MYRFL: variants seen among roughly 807,000 people sequenced by gnomAD.
MYRFL encodes myelin regulatory factor-like protein.
In MYRFL, 88 loss-of-function variants were observed where a neutral mutation model predicts 109.4. The observed-to-expected ratio is 0.80, with a 90% CI of 0.68 to 0.96. The LOEUF is 0.96. Ranked by LOEUF, MYRFL falls within the 40% of genes least tolerant of loss-of-function variation. The pLI is 0.00. For missense variants in MYRFL, 957 were observed against 954.9 expected, an observed-to-expected ratio of 1.00 and a Z score of -0.03; for synonymous variants, 324 against 320.9, an observed-to-expected ratio of 1.01 and a Z score of -0.10.
chr12:69,887,084 T>A, intron 6 of MYRFL, 114 bp downstream of exon 6: 1 of 1,098,594 alleles, frequency 9.1e-7, no homozygotes, highest in Non-Finnish European at 1.3e-6. Context: ...GGCAAATCAG[T>A]GAGAAAGTGT....
At chr12:69,903,521 A>G (rs1413079119) in intron 10 of MYRFL, 123 bp from the exon 11 acceptor site, 7 of 1,097,052 alleles carry the variant, frequency 6.4e-6, no homozygotes, top group Non-Finnish European at 8.9e-6. Flanking sequence ...TGTCCCACTC[A>G]ATACAGGATT....
chr12:69,829,754 T>C (rs1306625211), intron 1 of MYRFL, among the ~76,000 whole-genome samples: 1 of 152,130 alleles, frequency 6.6e-6, no homozygotes, highest in Non-Finnish European at 1.5e-5. Flanking sequence ...TTAGCAGAGA[T>C]AAAATGATAA....
At chr12:69,853,002 G>A (rs538936478) in intron 1 of MYRFL, among the ~76,000 whole-genome samples, 2 of 152,356 alleles carry the variant, frequency 1.3e-5, no homozygotes, top group African/African-American at 2.4e-5. Flanking sequence ...CACAGACACC[G>A]TAACATCTGA....
At chr12:69,848,230 AAT>A (rs1883673756) in intron 1 of MYRFL, among the ~76,000 whole-genome samples, 1 of 151,994 alleles carries the variant, frequency 6.6e-6, no homozygotes, top group African/African-American at 2.4e-5. Flanking sequence ...CTTGTTGGTA[AAT>A]ATCCCTTTTT....
chr12:69,945,301 T>A (rs1272429468), intron 19 of MYRFL, among the ~76,000 whole-genome samples: 2 of 149,162 alleles, frequency 1.3e-5, no homozygotes, highest in Admixed American at 6.7e-5. Context: ...TCAGAGCAAC[T>A]TCCAGCCCTG....
chr12:69,848,232 T>C (rs899164918), intron 1 of MYRFL, among the ~76,000 whole-genome samples: 14 of 152,102 alleles, frequency 9.2e-5, no homozygotes, highest in African/African-American at 2.9e-4. Context: ...TGTTGGTAAA[T>C]ATCCCTTTTT....
In MYRFL at chr12:69,932,883, T is replaced by TGTGTGTGTGTTTG. The variant is rs1555257501; in HGVS notation, c.1916+285_1916+286insGTGTGTGTGTTTG. ...CTTTCGTGTGTGTGTGTGTGTGTGT[T>TGTGTGTGTGTTTG]TGTGTGTGTGTGTGTGTATGTGTGT... On this transcript the variant is annotated intron_variant, in intron 16 of 24. Transcript: ENST00000552032. Among the ~76,000 whole-genome samples the TGTGTGTGTGTTTG allele has an allele frequency of 3.8e-3, 198 of 52,686 alleles. 3 individuals carry two copies. The highest frequency in any genetic ancestry group is 8.9e-3 in the Admixed American group (43 of 4,826). 34.6% of individuals were successfully genotyped at this position (52,686 alleles called of 152,430 possible). A position where few individuals can be genotyped will look rare whatever the true frequency, so the allele number is the denominator to read the frequency against.
chr12:69,958,122 C>A, intron 23 of MYRFL, 127 bp from the exon 24 acceptor site: 2 of 1,162,456 alleles, frequency 1.7e-6, no homozygotes, highest in Non-Finnish European at 2.4e-6. Context: ...TCTAGCAACA[C>A]CCATCAAAAG....
At chr12:69,914,868 AC>A (rs1290664509) in intron 13 of MYRFL, among the ~76,000 whole-genome samples, 4 of 152,256 alleles carry the variant, frequency 2.6e-5, no homozygotes, top group Admixed American at 6.5e-5. Flanking sequence ...TAAAAACAGG[AC>A]CCTGGAGTGA....
intron 2 of MYRFL, among the ~76,000 whole-genome samples, chr12:69,872,086 A>T (rs1017236016): frequency 3.9e-5 from 6 of 152,240 alleles, no homozygotes; most frequent in Non-Finnish European, 5.9e-5. Context: ...GTACATAAAC[A>T]ATCATGATTC....
intron 13 of MYRFL, among the ~76,000 whole-genome samples, chr12:69,926,318 A>G (rs1017359964): frequency 2.0e-5 from 3 of 152,000 alleles, no homozygotes; most frequent in Non-Finnish European, 4.4e-5. Flanking sequence ...CTTCAGCTCC[A>G]TTTTTGAGTT....
chr12:69,903,769 TG>T lies in MYRFL; in HGVS notation c.1309del (p.Val437SerfsTer5). On this transcript the variant is annotated frameshift_variant, in exon 11 of 25. Transcript: ENST00000552032. LOFTEE classifies it high-confidence loss of function. Reference sequence around the variant, plus strand: ...CAGATGCGCCGGACGAAGCCCTGGTTGTCTGTGGCAACATGAAAGTGATGGG... The same window carrying T: ...CAGATGCGCCGGACGAAGCCCTGGTTTCTGTGGCAACATGAAAGTGATGGG... Reference protein sequence around the residue: ...NTDAPDEALVVCGNMKVMGTI... With the variant: ...NTDAPDEALVXCGNMKVMGTI... 6.5e-7 allele frequency: 1 copy of T among 1,535,796 alleles called. No homozygotes were observed. Among genetic ancestry groups the T allele is most frequent in the Middle Eastern group, 1.7e-4 (1 of 5,982 alleles).
chr12:69,945,438 A>T, intron 19 of MYRFL, among the ~76,000 whole-genome samples: 1 of 152,216 alleles, frequency 6.6e-6, no homozygotes, highest in East Asian at 1.9e-4. Flanking sequence ...ATTGTGTTAC[A>T]ATTGCCAACA....
rs966102955 is a variant in MYRFL at position 69,891,045 on chromosome 12, A to G, written c.782A>G (p.Gln261Arg). 6 of 1,535,114 alleles carry G rather than the reference A, an allele frequency of 3.9e-6. No individual in the cohort carries two copies. Among genetic ancestry groups the G allele is most frequent in the Non-Finnish European group, 4.4e-6 (5 of 1,146,482 alleles). Residue 261 changes from glutamine (Q) to arginine (R), a missense_variant, in exon 7 of 25, where the codon CAA (glutamine) becomes CGA (arginine). By Grantham distance (43) the Gln-to-Arg change is conservative. Transcript: ENST00000552032. ...CCAGCAGATGAAGCTTTTGTTTGCC[A>G]AAAGAAGAATCATTTCCAGATAACC... ...FSPADEAFVC[Q>R]KKNHFQITIH...
chr12:69,932,476 C>A, intron 15 of MYRFL, 37 bp from the exon 16 acceptor site: 1 of 1,393,422 alleles, frequency 7.2e-7, no homozygotes, highest in Non-Finnish European at 9.8e-7. Flanking sequence ...GTTAGAGTTG[C>A]TAATTTATCA....
intron 1 of MYRFL, among the ~76,000 whole-genome samples, chr12:69,838,848 C>G (rs567172856): frequency 6.6e-6 from 1 of 152,120 alleles, no homozygotes; most frequent in East Asian, 1.9e-4. Flanking sequence ...TAGTAAAGAC[C>G]CTGAAATACT....
Position 69,945,970 on chromosome 12 carries a change from G to C in MYRFL, c.2225-6143G>C, listed in dbSNP as rs562846432. Reference sequence around the variant, plus strand: ...CCACTGCCCTCCAGCCTGGGCGACAGAGCGAGACTCCGTCTCAAAAAAAAA... The same window carrying C: ...CCACTGCCCTCCAGCCTGGGCGACACAGCGAGACTCCGTCTCAAAAAAAAA... On this transcript the variant is annotated intron_variant, in intron 19 of 24. Transcript: ENST00000552032. 2.6e-3 allele frequency among the ~76,000 whole-genome samples: 231 copies of C among 89,296 alleles called. 1 individual carries two copies. Among genetic ancestry groups the C allele is most frequent in the Non-Finnish European group, 3.6e-3 (168 of 46,468 alleles). 58.6% of individuals were successfully genotyped at this position (89,296 alleles called of 152,430 possible).
chr12:69,912,799 A>G (rs1056420097), intron 13 of MYRFL, among the ~76,000 whole-genome samples: 2 of 152,014 alleles, frequency 1.3e-5, no homozygotes, highest in Non-Finnish European at 2.9e-5. Flanking sequence ...TCTGTTTTCA[A>G]TTTAGGGGGA....
At chr12:69,942,304 G>A (rs1423067694) in intron 19 of MYRFL, among the ~76,000 whole-genome samples, 21 of 137,594 alleles carry the variant, frequency 1.5e-4, no homozygotes, top group East Asian at 8.1e-4. Flanking sequence ...CTGGCAAACC[G>A]AATCCAGCAG....
Sources: gnomAD v4.1 joint callset for allele counts (sites outside exome capture counted in the v4.1 genomes callset) on GRCh38, gnomAD v4.1.1 for gene constraint, MANE v1.5 for transcripts, NCBI Gene and HGNC (gene_info 2026-07-23, HGNC 2026-07-21) for gene names.